The following NBAS variants were observed in gnomAD, a reference collection of about 807,000 sequenced individuals.
NBAS encodes the protein NAG/BC035112 fusion.
NBAS carries 219 observed loss-of-function variants against 302.5 expected under a neutral mutation model. That is an observed-to-expected ratio of 0.72 (90% CI 0.65 to 0.81). NBAS has a LOEUF of 0.81. NBAS is among the 30% of genes least tolerant of loss of function. The probability of loss-of-function intolerance (pLI) is 0.00; values close to 1 mark genes in which losing one functional copy is unlikely to be tolerated. For synonymous variants in NBAS, 1,118 were observed against 1,021.6 expected, an observed-to-expected ratio of 1.09 and a Z score of -1.80; for missense variants, 2,932 against 2,841.6, an observed-to-expected ratio of 1.03 and a Z score of -0.72.
intron 21 of NBAS, among the ~76,000 whole-genome samples, chr2:15,457,885 T>C (rs1679321037): frequency 6.6e-6 from 1 of 152,314 alleles, no homozygotes; most frequent in South Asian, 2.1e-4. Context: ...TCCTTAACGA[T>C]GGGTTGAAAC....
the NBAS span, among the ~76,000 whole-genome samples, chr2:15,031,528 A>G: frequency 4.6e-5 from 7 of 152,176 alleles, no homozygotes; most frequent in African/African-American, 1.7e-4. Flanking sequence ...TCTGGTCTAT[A>G]GCTGAGGTTG....
the NBAS span, among the ~76,000 whole-genome samples, chr2:14,831,727 C>A: frequency 6.6e-6 from 1 of 152,154 alleles, no homozygotes; most frequent in African/African-American, 2.4e-5. Flanking sequence ...ATAGTATAAT[C>A]CTGTTCCCAG....
At chr2:15,482,085 C>G (rs1172238618) in intron 12 of NBAS, among the ~76,000 whole-genome samples, 1 of 152,088 alleles carries the variant, frequency 6.6e-6, no homozygotes, top group African/African-American at 2.4e-5. Context: ...CAAGGCTGTC[C>G]ATTCTTCATC....
intron 48 of NBAS, 89 bp downstream of exon 48, chr2:15,218,684 T>G: frequency 1.3e-6 from 2 of 1,566,794 alleles, no homozygotes; most frequent in Non-Finnish European, 1.8e-6. Flanking sequence ...CACCTTGGCC[T>G]CCCACAATGC....
chr2:15,119,298 C>A, the NBAS span, among the ~76,000 whole-genome samples: 1 of 141,948 alleles, frequency 7.0e-6, no homozygotes, highest in Admixed American at 7.0e-5. Flanking sequence ...TTTTAGAAAT[C>A]CTTTCTTTTT....
the NBAS span, among the ~76,000 whole-genome samples, chr2:15,139,789 A>G: frequency 6.6e-6 from 1 of 152,152 alleles, no homozygotes; most frequent in African/African-American, 2.4e-5. Flanking sequence ...TTTTTCTCCC[A>G]GAAAACCTTT....
the NBAS span, among the ~76,000 whole-genome samples, chr2:14,954,924 A>G: frequency 6.6e-6 from 1 of 152,198 alleles, no homozygotes; most frequent in Non-Finnish European, 1.5e-5. Context: ...TCCAAATCTT[A>G]TGTCCTCACA....
At chr2:15,437,029 C>G (rs970318391) in intron 21 of NBAS, among the ~76,000 whole-genome samples, 1 of 152,092 alleles carries the variant, frequency 6.6e-6, no homozygotes, top group East Asian at 1.9e-4. Flanking sequence ...GCAAAAGATT[C>G]GGAACATGTA....
chr2:15,376,235 T>C (rs2148364188), intron 30 of NBAS, among the ~76,000 whole-genome samples: 1 of 152,266 alleles, frequency 6.6e-6, no homozygotes, highest in Non-Finnish European at 1.5e-5. Context: ...CTGAAATACA[T>C]CCAGGCTCAC....
chr2:15,548,704 T>C (rs558827668), intron 6 of NBAS, among the ~76,000 whole-genome samples: 71 of 151,498 alleles, frequency 4.7e-4, no homozygotes, highest in Non-Finnish European at 8.7e-4. Flanking sequence ...TGCTGTGATA[T>C]AGGCAGAAGC....
chr2:15,025,129 G>T, the NBAS span, among the ~76,000 whole-genome samples: 1 of 152,276 alleles, frequency 6.6e-6, no homozygotes, highest in East Asian at 1.9e-4. Flanking sequence ...TCCATCTTGA[G>T]TTGATTTTTG....
chr2:15,438,741 A>G (rs944977373), intron 21 of NBAS, among the ~76,000 whole-genome samples: 6 of 152,180 alleles, frequency 3.9e-5, no homozygotes, highest in Admixed American at 6.5e-5. Flanking sequence ...TTTACAGACA[A>G]TGGATCAGAG....
the NBAS span, among the ~76,000 whole-genome samples, chr2:15,124,577 C>T: frequency 6.6e-6 from 1 of 152,162 alleles, no homozygotes; most frequent in African/African-American, 2.4e-5. Context: ...AACACAGCTC[C>T]TCCCATCACA....
At chr2:14,841,807 C>T in the NBAS span, among the ~76,000 whole-genome samples, 1 of 151,948 alleles carries the variant, frequency 6.6e-6, no homozygotes, top group East Asian at 1.9e-4. Flanking sequence ...AACACAGAAA[C>T]ATGAAAGTTA....
At position 15,553,455 on chromosome 2, in the gene NBAS, A is replaced by C. The variant is rs1664477331; in HGVS notation, c.306T>G (p.Ala102=). 1 of 1,611,604 alleles carries C rather than the reference A, an allele frequency of 6.2e-7. No individual in the cohort carries two copies. Residue 102 remains alanine, a synonymous_variant, in exon 5 of 52, where the codon GCT becomes GCG. Coordinates refer to ENST00000281513, the MANE Select transcript of NBAS (RefSeq NM_015909.4). Reference sequence around the variant, plus strand: ...TTTCCACACACTGATCTTGAACAGCAGCCAAAAGCTTTCCATTGCTTTTAT... The same window carrying C: ...TTTCCACACACTGATCTTGAACAGCCGCCAAAAGCTTTCCATTGCTTTTAT... The part of the protein sequence containing the change: ...LVLASNGKLL[A]AVQDQCVEIR...
chr2:15,407,290 A>C (rs7585130), intron 25 of NBAS, among the ~76,000 whole-genome samples: 1 of 152,160 alleles, frequency 6.6e-6, no homozygotes, highest in Non-Finnish European at 1.5e-5. Flanking sequence ...AGTGCACAGA[A>C]AATTGCAGCC....
rs78326538 is a variant in NBAS, at chr2:15,343,966, G to GA, written c.4179+8025dup. ...AAAAATACTTTAAAATCATAAATCT[G>GA]AAAAAAAAAAAAAACACTTGACTGC... On this transcript the variant is annotated intron_variant, in intron 35 of 51. Coordinates refer to ENST00000281513, the MANE Select transcript of NBAS (RefSeq NM_015909.4). 9.3e-3 allele frequency among the ~76,000 whole-genome samples: 791 copies of GA among 85,050 alleles called. 1 individual carries two copies. Among genetic ancestry groups the GA allele is most frequent in the Non-Finnish European group, 0.011 (409 of 35,580 alleles). 55.8% of individuals were successfully genotyped at this position (85,050 alleles called of 152,430 possible).
At chr2:14,786,921 G>T in the NBAS span, among the ~76,000 whole-genome samples, 3 of 152,132 alleles carry the variant, frequency 2.0e-5, no homozygotes, top group Non-Finnish European at 4.4e-5. Flanking sequence ...TGACAGTGGG[G>T]TGTTAAAGTC....
At chr2:14,864,275 T>G in the NBAS span, among the ~76,000 whole-genome samples, 11 of 147,236 alleles carry the variant, frequency 7.5e-5, no homozygotes, top group South Asian at 2.4e-3. Flanking sequence ...GAGCTGAGAT[T>G]GCATCACTGC....
Sources: allele counts gnomAD v4.1 joint callset (sites outside exome capture counted in the v4.1 genomes callset), GRCh38; gene constraint gnomAD v4.1.1; transcripts MANE v1.5; gene names NCBI Gene and HGNC (gene_info 2026-07-23, HGNC 2026-07-21).